The following SYMPK variants were observed in gnomAD, a reference collection of about 807,000 sequenced individuals.
SYMPK encodes the protein symplekin scaffold protein, also known as symplekin.
SYMPK carries 49 observed loss-of-function variants against 136.4 expected under a neutral mutation model. The observed-to-expected ratio is 0.36, with a 90% confidence interval of 0.29 to 0.46. The LOEUF (loss-of-function observed/expected upper bound fraction) is 0.46. Ranked by LOEUF, SYMPK falls within the 20% of genes least tolerant of loss-of-function variation. The probability of loss-of-function intolerance (pLI) is 1.00; values close to 1 mark genes in which losing one functional copy is unlikely to be tolerated. For missense variants in SYMPK, 1,365 were observed against 1,690.0 expected, an observed-to-expected ratio of 0.81 and a Z score of 3.37; for synonymous variants, 766 against 713.0, an observed-to-expected ratio of 1.07 and a Z score of -1.19.
rs769564643 is a variant in SYMPK at position 45,815,960 on chromosome 19, T to C, written c.3578A>G (p.Glu1193Gly). The C allele has an allele frequency of 1.4e-5, 22 of 1,610,688 alleles. No individual in the cohort carries two copies. The Admixed American group carries it at 2.5e-4, about 18-fold the overall frequency. Residue 1193 changes from glutamate (E) to glycine (G), a missense_variant, in exon 26 of 27, where the codon GAG (glutamate) becomes GGG (glycine). Glu to Gly is a moderately conservative substitution (Grantham distance 98). This residue lies in a region of SYMPK where 341 missense variants were observed against 270.5 expected (regional missense o/e 1.26). Transcript: ENST00000245934. ...PPSEEAMDFR[E>G]EGPECETPGI... Reference sequence around the variant, plus strand: ...CGGGGTCTCGCACTCAGGCCCCTCCTCCCGGAAATCCATGGCTTCCTCAGA... The same window carrying C: ...CGGGGTCTCGCACTCAGGCCCCTCCCCCCGGAAATCCATGGCTTCCTCAGA...
chr19:45,844,390 G>A lies in SYMPK; in HGVS notation c.677-190C>T, dbSNP rs146456124. 6.4e-3 allele frequency among the ~76,000 whole-genome samples: 970 copies of A among 152,194 alleles called. 11 individuals carry two copies. Among genetic ancestry groups the A allele is most frequent in the African/African-American group, 0.022 (920 of 41,514 alleles). On this transcript the variant is annotated intron_variant, in intron 7 of 26. Coordinates refer to ENST00000245934, the MANE Select transcript of SYMPK (RefSeq NM_004819.3). ...ATGAGTATAAAAATTTAGTTATAAGGGGCTAGACGCAGTGGCTCATGCCTG... is the reference window on the plus strand; with the variant it reads ...ATGAGTATAAAAATTTAGTTATAAGAGGCTAGACGCAGTGGCTCATGCCTG...
chr19:45,845,115 CT>C (rs35540632), intron 7 of SYMPK, among the ~76,000 whole-genome samples: 65 of 146,966 alleles, frequency 4.4e-4, no homozygotes, highest in Non-Finnish European at 5.9e-4. Flanking sequence ...AATACTGGAT[CT>C]TTTTTTTTTT....
Position 45,844,011 on chromosome 19 carries a change from G to A in SYMPK, c.847+19C>T, listed in dbSNP as rs111882577. On this transcript the variant is annotated intron_variant, in intron 8 of 26. Coordinates refer to ENST00000245934, the MANE Select transcript of SYMPK (RefSeq NM_004819.3). ...CCAGTGAAGAGAAGGCAGGGGGAGG[G>A]GGGAGGACAATGACCTACCATGCAG... is the stretch of plus-strand genomic sequence containing the variant. 346 of 1,476,954 alleles carry A rather than the reference G, an allele frequency of 2.3e-4. 2 individuals are homozygous for A. The African/African-American group carries it at 2.4e-3, about 10-fold the overall frequency. 91.5% of individuals were successfully genotyped at this position (1,476,954 alleles called of 1,614,324 possible). A position where few individuals can be genotyped will look rare whatever the true frequency, so the allele number is the denominator to read the frequency against.
chr19:45,859,179 G>A (rs1351381087), intron 1 of SYMPK, among the ~76,000 whole-genome samples: 2 of 152,016 alleles, frequency 1.3e-5, no homozygotes, highest in Middle Eastern at 3.4e-3. Flanking sequence ...GAACACTACT[G>A]CCAAACGGCC....
chr19:45,830,814 G>A (rs1306783483), intron 12 of SYMPK: 1 of 152,162 alleles, frequency 6.6e-6, no homozygotes, highest in East Asian at 1.9e-4. Flanking sequence ...GCATGAACTC[G>A]GGAGGCGGAG....
intron 16 of SYMPK, 97 bp from the exon 17 acceptor site, chr19:45,826,470 C>T (rs1368976389): frequency 2.0e-5 from 28 of 1,370,070 alleles, no homozygotes; most frequent in Non-Finnish European, 2.6e-5. Context: ...AAAACAAGCC[C>T]GAGGCTGAGA....
chr19:45,849,321 ACTTTGTTTT>A (rs780968993), intron 5 of SYMPK, among the ~76,000 whole-genome samples: 4 of 152,204 alleles, frequency 2.6e-5, no homozygotes, highest in Non-Finnish European at 5.9e-5. Context: ...ACTTTAAAGC[ACTTTGTTTT>A]CTGTAATCAC....
Position 45,829,045 on chromosome 19 carries a change from C to G in SYMPK, c.1910G>C (p.Gly637Ala), listed in dbSNP as rs1971110460. Residue 637 changes from glycine to alanine, a missense_variant, in exon 14 of 27, where the codon GGC becomes GCC. By Grantham distance (60) the Gly-to-Ala change is moderately conservative. Transcript: ENST00000245934. Reference sequence around the variant, plus strand: ...GCAGTCCTCATACTTGTCCAGGGAGCCCGAGGCACCTGCGGCCAGGTAGGC... The same window carrying G: ...GCAGTCCTCATACTTGTCCAGGGAGGCCGAGGCACCTGCGGCCAGGTAGGC... ...YNAYLAAGASGSLDKYEDCLI... is the reference protein window; with the variant it reads ...YNAYLAAGASASLDKYEDCLI... The G allele has an allele frequency of 6.2e-7, 1 of 1,614,166 alleles. No homozygotes were observed. Among genetic ancestry groups the G allele is most frequent in the Admixed American group, 1.7e-5 (1 of 60,028 alleles).
intron 1 of SYMPK, among the ~76,000 whole-genome samples, chr19:45,857,409 CAAAAA>C (rs1161033225): frequency 2.3e-5 from 1 of 43,442 alleles, no homozygotes; most frequent in African/African-American, 9.0e-5. Context: ...GACTCTGTCT[CAAAAA>C]AAAAAAAAAA....
chr19:45,838,994 C>T (rs568707887), intron 9 of SYMPK, among the ~76,000 whole-genome samples: 3 of 152,224 alleles, frequency 2.0e-5, no homozygotes, highest in Non-Finnish European at 4.4e-5. Context: ...TCAAGTGATT[C>T]TCCTGCCTCA....
At chr19:45,825,138 G>A (rs768370754) in intron 18 of SYMPK, 33 bp downstream of exon 18, 2 of 1,600,278 alleles carry the variant, frequency 1.2e-6, no homozygotes, top group Admixed American at 1.7e-5. Flanking sequence ...TTGCCCGTGG[G>A]TGGGCAGGGC....
At chr19:45,850,075 A>C (rs1159719963) in intron 5 of SYMPK, among the ~76,000 whole-genome samples, 5 of 152,088 alleles carry the variant, frequency 3.3e-5, no homozygotes, top group African/African-American at 9.6e-5. Flanking sequence ...AAACAAAAAA[A>C]AACAACAACA....
intron 6 of SYMPK, among the ~76,000 whole-genome samples, chr19:45,848,336 T>G (rs982718400): frequency 1.3e-5 from 2 of 152,230 alleles, no homozygotes; most frequent in Non-Finnish European, 2.9e-5. Context: ...TTAATGCTAA[T>G]GTACATCACA....
Position 45,835,169 on chromosome 19 carries a change from G to A in SYMPK, c.1302C>T (p.Tyr434=). ...EAMPASFQAI[Y]TPVESAGTEA... ...CCGTGCCTGCTGACTCCACGGGGGT[G>A]TAGATGGCCTGGAAGGAGGCTGGCA... Residue 434 remains tyrosine (Y), a synonymous_variant, in exon 11 of 27, where the codon TAC becomes TAT. Coordinates refer to ENST00000245934, the MANE Select transcript of SYMPK (RefSeq NM_004819.3). 6.2e-7 allele frequency: 1 copy of A among 1,613,390 alleles called. No individual in the cohort carries two copies. The highest frequency in any genetic ancestry group is 8.5e-7 in the Non-Finnish European group (1 of 1,179,600).
chr19:45,846,922 T>C (rs1971576112), intron 7 of SYMPK, among the ~76,000 whole-genome samples: 2 of 151,856 alleles, frequency 1.3e-5, no homozygotes, highest in African/African-American at 2.4e-5. Context: ...GCCTCCCAAG[T>C]AGCTGGGATT....
rs781392515 is a variant in SYMPK, at chr19:45,830,144, A to G, written c.1659T>C (p.Leu553=). Reference sequence around the variant, plus strand: ...TCATGGCTTCCACCTGGGCATCGGTAAGGGGCTTCAGCACGTCGCTGAGAC... The same window carrying G: ...TCATGGCTTCCACCTGGGCATCGGTGAGGGGCTTCAGCACGTCGCTGAGAC... ...IFRLSDVLKP[L]TDAQVEAMKL... Residue 553 remains leucine (L), a synonymous_variant, in exon 13 of 27, where the codon CTT becomes CTC. Transcript: ENST00000245934. 4.4e-6 allele frequency: 7 copies of G among 1,605,500 alleles called. No homozygotes were observed. In the East Asian group the frequency reaches 1.3e-4, roughly 31 times the overall value.
At chr19:45,853,128 T>C (rs1971734506) in intron 3 of SYMPK, among the ~76,000 whole-genome samples, 3 of 152,104 alleles carry the variant, frequency 2.0e-5, no homozygotes, top group Admixed American at 1.3e-4. Flanking sequence ...TGACCACCCA[T>C]GGGGGAGGCA....
chr19:45,850,724 T>C (rs775428965), intron 5 of SYMPK, among the ~76,000 whole-genome samples: 17 of 152,146 alleles, frequency 1.1e-4, no homozygotes, highest in Non-Finnish European at 8.8e-5. Context: ...GTGACAACAC[T>C]GCTCCAGGCA....
chr19:45,825,428 G>A (rs1202302850), intron 17 of SYMPK, 97 bp from the exon 18 acceptor site: 2 of 1,427,212 alleles, frequency 1.4e-6, no homozygotes, highest in East Asian at 5.0e-5. Flanking sequence ...GAGCCGGGGA[G>A]GGCAGAGAAG....
Sources: allele counts gnomAD v4.1 joint callset (sites outside exome capture counted in the v4.1 genomes callset), GRCh38; gene constraint gnomAD v4.1.1; regional missense constraint gnomAD v4.1.1; transcripts MANE v1.5; gene names NCBI Gene and HGNC (gene_info 2026-07-23, HGNC 2026-07-21).